The following ALKBH4 variants were observed in gnomAD, a reference collection of about 807,000 sequenced individuals.
ALKBH4 encodes the protein alpha-ketoglutarate-dependent dioxygenase alkB homolog 4.
A neutral mutation model predicts 12.1 loss-of-function variants in ALKBH4; 8 were observed. The ratio of observed to expected loss-of-function variants is 0.66; its 90% confidence interval spans 0.39 to 1.19. The LOEUF (loss-of-function observed/expected upper bound fraction) is 1.19. ALKBH4 is among the 50% of genes most tolerant of loss of function. The probability of loss-of-function intolerance (pLI) is 0.01; values close to 1 mark genes in which losing one functional copy is unlikely to be tolerated. For synonymous variants in ALKBH4, 195 were observed against 191.6 expected, an observed-to-expected ratio of 1.02 and a Z score of -0.15; for missense variants, 403 against 430.4, an observed-to-expected ratio of 0.94 and a Z score of 0.56.
chr7:102,458,076 G>T, intron 2 of ALKBH4, 95 bp from the exon 3 acceptor site: 1 of 1,246,516 alleles, frequency 8.0e-7, no homozygotes, highest in Non-Finnish European at 1.1e-6. Context: ...AGTGACCCAG[G>T]CAAGCAAAAG....
At chr7:102,462,968 T>TC (rs1021198682) in intron 1 of ALKBH4, among the ~76,000 whole-genome samples, 2 of 144,708 alleles carry the variant, frequency 1.4e-5, no homozygotes, top group Non-Finnish European at 3.0e-5. Flanking sequence ...TTTTTTTTTT[T>TC]TTTTTTTGAG....
intron 1 of ALKBH4, among the ~76,000 whole-genome samples, chr7:102,462,434 C>T: frequency 6.6e-6 from 1 of 152,138 alleles, no homozygotes; most frequent in Non-Finnish European, 1.5e-5. Flanking sequence ...TAGTGGCGCT[C>T]ACAGCTCACT....
intron 1 of ALKBH4, among the ~76,000 whole-genome samples, chr7:102,462,935 G>A (rs543759108): frequency 6.8e-6 from 1 of 147,568 alleles, no homozygotes; most frequent in Admixed American, 6.9e-5. Context: ...CGTCCATGCT[G>A]TAACATATGT....
chr7:102,457,766 C>T lies in ALKBH4; in HGVS notation c.537G>A (p.Arg179=). ...GGGACAGGAGGTTGAGGCTGACCAG[C>T]CGCTCCCCCCACAGCCAGGCGTCGT... ...HLDDAWLWGE[R]LVSLNLLSPT... Residue 179 remains arginine, a synonymous_variant, in exon 3 of 3, where the codon CGG becomes CGA. Transcript: ENST00000292566. This position sits in a 1 kb window ranked among gnomAD's most constrained non-coding sequence, Gnocchi z 5.9. The T allele has an allele frequency of 1.3e-6, 2 of 1,591,872 alleles. No individual in the cohort carries two copies. Among genetic ancestry groups the T allele is most frequent in the Non-Finnish European group, 1.7e-6 (2 of 1,171,178 alleles).
chr7:102,459,158 A>C (rs550037260), intron 2 of ALKBH4, among the ~76,000 whole-genome samples: 4 of 151,844 alleles, frequency 2.6e-5, no homozygotes, highest in East Asian at 3.9e-4. Context: ...AAAAAAAAAA[A>C]AAAAAAACCT....
In ALKBH4 at chr7:102,460,647, C is replaced by T. The variant is rs537140433; in HGVS notation, c.124-846G>A. On this transcript the variant is annotated intron_variant, in intron 1 of 2. Coordinates refer to ENST00000292566, the MANE Select transcript of ALKBH4 (RefSeq NM_017621.4). ...GCTCAGCAAAGTTAAGGAACCAGCC[C>T]GAGGCTGGACAGCACCTCCTGCACT... is the stretch of plus-strand genomic sequence containing the variant. Among the ~76,000 whole-genome samples, 8 of 152,306 alleles carry T rather than the reference C, an allele frequency of 5.3e-5. No individual in the cohort carries two copies. In the South Asian group the frequency reaches 1.2e-3, roughly 24 times the overall value.
chr7:102,457,568 G>A lies in ALKBH4; in HGVS notation c.735C>T (p.Thr245=), dbSNP rs149696343. 2.8e-5 allele frequency: 45 copies of A among 1,609,622 alleles called. No homozygotes were observed. The highest frequency in any genetic ancestry group is 3.3e-5 in the Non-Finnish European group (39 of 1,179,722). Residue 245 remains threonine, a synonymous_variant, in exon 3 of 3, where the codon ACC becomes ACT. Coordinates refer to ENST00000292566, the MANE Select transcript of ALKBH4 (RefSeq NM_017621.4). This position sits in a 1 kb window ranked among gnomAD's most constrained non-coding sequence, Gnocchi z 5.9. The stretch of plus-strand genomic sequence containing the variant: ...GCTTCCACTGGTGCCGTGCCGCCCC[G>A]GTGAGGACCAGCAGGGAGCGGGCGG... ...PLPARSLLVL[T]GAARHQWKHA... is the part of the protein sequence containing the mutation.
At chr7:102,463,763 A>G (rs1797860362) in intron 1 of ALKBH4, among the ~76,000 whole-genome samples, 1 of 152,240 alleles carries the variant, frequency 6.6e-6, no homozygotes. Flanking sequence ...ACCCAGAAGC[A>G]GGATTGCGGA....
At chr7:102,460,970 C>T (rs1378949949) in intron 1 of ALKBH4, among the ~76,000 whole-genome samples, 1 of 152,154 alleles carries the variant, frequency 6.6e-6, no homozygotes. Flanking sequence ...AACTCCCACC[C>T]CATGTCCCTC....
intron 1 of ALKBH4, among the ~76,000 whole-genome samples, chr7:102,460,569 T>TA (rs1331025227): frequency 6.6e-6 from 1 of 152,168 alleles, no homozygotes; most frequent in African/African-American, 2.4e-5. Context: ...TCCTCCCCTG[T>TA]AAAAGAGAAG....
At chr7:102,464,686 TG>T in intron 1 of ALKBH4, 27 bp downstream of exon 1, 1 of 1,495,932 alleles carries the variant, frequency 6.7e-7, no homozygotes, top group Non-Finnish European at 8.9e-7. Flanking sequence ...GCGACGTTTG[TG>T]GGCGCGGCCC....
At chr7:102,463,661 C>T (rs4403344) in intron 1 of ALKBH4, among the ~76,000 whole-genome samples, 81,515 of 152,030 alleles carry the variant, frequency 0.54, 23,067 homozygotes, top group Middle Eastern at 0.65. Flanking sequence ...GGTTTGCTTC[C>T]ATCTTTGGGC....
intron 2 of ALKBH4, among the ~76,000 whole-genome samples, chr7:102,458,554 A>G (rs1797712990): frequency 6.6e-6 from 1 of 151,068 alleles, no homozygotes; most frequent in Non-Finnish European, 1.5e-5. Context: ...GGGAGACAGA[A>G]TGAGACACCC....
chr7:102,460,715 C>T (rs1797774882), intron 1 of ALKBH4, among the ~76,000 whole-genome samples: 1 of 152,214 alleles, frequency 6.6e-6, no homozygotes, highest in African/African-American at 2.4e-5. Context: ...AACTGCCTGA[C>T]TACCTTGAAT....
At chr7:102,458,736 C>CA (rs34418710) in intron 2 of ALKBH4, among the ~76,000 whole-genome samples, 92,683 of 128,934 alleles carry the variant, frequency 0.72, 32,604 homozygotes, top group Middle Eastern at 0.83. Context: ...GACCCTGTCT[C>CA]AAAAAAAAAA....
intron 1 of ALKBH4, 128 bp downstream of exon 1, chr7:102,464,586 C>T (rs1467486806): frequency 2.0e-5 from 27 of 1,337,154 alleles, no homozygotes; most frequent in Non-Finnish European, 2.5e-5. Context: ...TCTCCTCACC[C>T]TGCATCACCC....
chr7:102,462,101 T>C (rs899501978), intron 1 of ALKBH4, among the ~76,000 whole-genome samples: 4 of 152,228 alleles, frequency 2.6e-5, no homozygotes, highest in African/African-American at 9.6e-5. Flanking sequence ...GTCCCCCGTG[T>C]GTCGGCTGAG....
At chr7:102,459,580 C>G in intron 2 of ALKBH4, 24 bp downstream of exon 2, 4 of 1,599,926 alleles carry the variant, frequency 2.5e-6, no homozygotes, top group Non-Finnish European at 3.4e-6. Flanking sequence ...CCCAGCAACC[C>G]CCATGAGCTC....
At chr7:102,458,188 C>A (rs1797704817) in intron 2 of ALKBH4, among the ~76,000 whole-genome samples, 1 of 152,110 alleles carries the variant, frequency 6.6e-6, no homozygotes, top group South Asian at 2.1e-4. Flanking sequence ...AATCCCAGCG[C>A]TTTGGAAGGC....
Sources: gnomAD v4.1 joint callset for allele counts (sites outside exome capture counted in the v4.1 genomes callset) on GRCh38, gnomAD v4.1.1 for gene constraint, Gnocchi (gnomAD v3.1) non-coding constraint, MANE v1.5 for transcripts, NCBI Gene and HGNC (gene_info 2026-07-23, HGNC 2026-07-21) for gene names.